Variants in SEMA4D observed in about 807,000 individuals in gnomAD.
SEMA4D encodes the protein semaphorin 4D.
In SEMA4D, 22 loss-of-function variants were observed where a neutral mutation model predicts 74.8. The observed-to-expected ratio is 0.29, with a 90% CI of 0.21 to 0.42. SEMA4D has a LOEUF of 0.42. Ranked by LOEUF, SEMA4D falls within the 10% of genes least tolerant of loss-of-function variation. The pLI is 1.00. For synonymous variants in SEMA4D, 445 were observed against 463.7 expected, an observed-to-expected ratio of 0.96 and a Z score of 0.52; for missense variants, 937 against 1,118.4, an observed-to-expected ratio of 0.84 and a Z score of 2.31.
At chr9:89,442,242 C>T (rs1165050056) in intron 2 of SEMA4D, among the ~76,000 whole-genome samples, 2 of 152,178 alleles carry the variant, frequency 1.3e-5, no homozygotes, top group Non-Finnish European at 1.5e-5. Flanking sequence ...CTCAGTGGGT[C>T]GGCTCTGGGC....
chr9:89,398,828 C>T (rs1023363933), intron 5 of SEMA4D, among the ~76,000 whole-genome samples: 2 of 152,100 alleles, frequency 1.3e-5, no homozygotes, highest in East Asian at 1.9e-4. Flanking sequence ...CACAGCAGGC[C>T]GAATAAATGG....
At chr9:89,362,937 C>G (rs1832934228) in intron 18 of SEMA4D, among the ~76,000 whole-genome samples, 1 of 152,188 alleles carries the variant, frequency 6.6e-6, no homozygotes, top group Admixed American at 6.5e-5. Context: ...GCCTCTGCCC[C>G]ACTGCCTGCA....
At chr9:89,393,791 A>G (rs1840341727) in intron 6 of SEMA4D, 136 bp from the exon 7 acceptor site, 3 of 671,020 alleles carry the variant, frequency 4.5e-6, no homozygotes, top group Non-Finnish European at 7.9e-6. Context: ...GTGTGGAGCT[A>G]CAGGAGTCCC....
chr9:89,397,475 G>T (rs1431925825), intron 5 of SEMA4D, among the ~76,000 whole-genome samples: 1 of 152,172 alleles, frequency 6.6e-6, no homozygotes, highest in Admixed American at 6.5e-5. Context: ...GGAGAGCCTG[G>T]AGCCCGGCTT....
intron 9 of SEMA4D, among the ~76,000 whole-genome samples, chr9:89,389,341 GTCCT>G (rs1191932967): frequency 6.6e-6 from 1 of 152,214 alleles, no homozygotes; most frequent in Non-Finnish European, 1.5e-5. Context: ...CCAGCATTCA[GTCCT>G]GCAACCGCAG....
rs78280708 is a variant in SEMA4D, at chr9:89,405,596, C to G, written c.-140G>C. The G allele has an allele frequency of 0.082, 118,445 of 1,450,496 alleles. 5,054 individuals carry two copies. The highest frequency in any genetic ancestry group is 0.1 in the Middle Eastern group (404 of 4,016). The allele number at this position is 1,450,496 out of a possible 1,614,324, so 89.9% of individuals were successfully genotyped here. A position where few individuals can be genotyped will look rare whatever the true frequency, so the allele number is the denominator to read the frequency against. ...GCCTGGAGCTCGTGAACAGCGCGGT[C>G]CCTGAGAATCCACATTTCCCAGTTC... On this transcript the variant is annotated 5_prime_UTR_variant, in exon 3 of 16. Coordinates refer to ENST00000422704, the MANE Select transcript of SEMA4D (RefSeq NM_001371194.2).
intron 1 of SEMA4D, among the ~76,000 whole-genome samples, chr9:89,468,546 T>C (rs1859336953): frequency 6.6e-6 from 1 of 152,228 alleles, no homozygotes; most frequent in African/African-American, 2.4e-5. Context: ...TACCACTCCT[T>C]TTGGCCTTAT....
At chr9:89,451,266 G>C (rs1409008290) in intron 2 of SEMA4D, among the ~76,000 whole-genome samples, 1 of 152,058 alleles carries the variant, frequency 6.6e-6, no homozygotes. Flanking sequence ...TATTCGGTGT[G>C]GCCGACTCCT....
chr9:89,467,318 T>C (rs1236745877), intron 1 of SEMA4D, among the ~76,000 whole-genome samples: 6 of 152,000 alleles, frequency 3.9e-5, no homozygotes, highest in Admixed American at 1.3e-4. Context: ...CCCTCCGAGG[T>C]CCCTATACCA....
At chr9:89,404,644 G>A (rs1453070615) in intron 3 of SEMA4D, among the ~76,000 whole-genome samples, 3 of 122,736 alleles carry the variant, frequency 2.4e-5, no homozygotes, top group Admixed American at 8.4e-5. Context: ...TCCCCATCCC[G>A]ACCTCAGCCA....
At chr9:89,383,278 C>G (rs1283323581) in intron 13 of SEMA4D, among the ~76,000 whole-genome samples, 1 of 152,112 alleles carries the variant, frequency 6.6e-6, no homozygotes, top group Non-Finnish European at 1.5e-5. Flanking sequence ...TCTCCCCCAC[C>G]CCCAGTGTGG....
At chr9:89,411,513 A>G (rs1844524587) in intron 2 of SEMA4D, among the ~76,000 whole-genome samples, 1 of 152,224 alleles carries the variant, frequency 6.6e-6, no homozygotes, top group Admixed American at 6.5e-5. Context: ...AAATAGTGAA[A>G]ATAGTTGAAA....
Position 89,372,113 on chromosome 9 carries a change from G to GGTGT in SEMA4D, c.1882+4716_1882+4719dup, listed in dbSNP as rs147774978. On this transcript the variant is annotated intron_variant, in intron 16 of 18. Transcript: ENST00000339861. ...TGTGTGTGGGGGGTGTGATGGGTGT[G>GGTGT]GTGTGTGGGGTGTGTGTGTTGGGGG... is the stretch of plus-strand genomic sequence containing the variant. 7.9e-3 allele frequency among the ~76,000 whole-genome samples: 276 copies of GGTGT among 35,094 alleles called. 39 individuals carry two copies. Among genetic ancestry groups the GGTGT allele is most frequent in the South Asian group, 0.019 (13 of 692 alleles). The allele number at this position is 35,094 out of a possible 152,430, so 23.0% of individuals were successfully genotyped here. A position where few individuals can be genotyped will look rare whatever the true frequency, so the allele number is the denominator to read the frequency against.
At chr9:89,490,728 G>A (rs1046874637) in intron 1 of SEMA4D, among the ~76,000 whole-genome samples, 7 of 152,262 alleles carry the variant, frequency 4.6e-5, no homozygotes, top group Admixed American at 4.6e-4. Context: ...CACAGGTCTA[G>A]GAGCAACTGT....
chr9:89,391,245 C>G lies in SEMA4D; in HGVS notation c.774+19G>C, dbSNP rs1435455135. 3 of 1,609,054 alleles carry G rather than the reference C, an allele frequency of 1.9e-6. No homozygotes were observed. The Admixed American group carries it at 5.0e-5, about 27-fold the overall frequency. On this transcript the variant is annotated intron_variant, in intron 9 of 15. Transcript: ENST00000422704. The stretch of plus-strand genomic sequence containing the variant: ...TGCCATGGCAGGGGCCAAGCGAAGC[C>G]AGAGTGCCTGGCACTCACCTTGCAC...
intron 18 of SEMA4D, chr9:89,363,307 C>A: frequency 1.4e-6 from 2 of 1,413,236 alleles, no homozygotes; most frequent in East Asian, 2.4e-5. Flanking sequence ...GAAACTGCTC[C>A]GGGGCTAAGA....
At chr9:89,411,735 C>T (rs1281736705) in intron 2 of SEMA4D, among the ~76,000 whole-genome samples, 1 of 152,242 alleles carries the variant, frequency 6.6e-6, no homozygotes, top group African/African-American at 2.4e-5. Context: ...AGACATGACC[C>T]CCTGAAGGGA....
chr9:89,442,225 G>C (rs1316410056), intron 2 of SEMA4D, among the ~76,000 whole-genome samples: 1 of 149,314 alleles, frequency 6.7e-6, no homozygotes, highest in Non-Finnish European at 1.5e-5. Context: ...CAAAGCACTG[G>C]GAGGGGCTCA....
chr9:89,475,472 G>A (rs1861522466), intron 1 of SEMA4D, among the ~76,000 whole-genome samples: 2 of 152,334 alleles, frequency 1.3e-5, no homozygotes, highest in African/African-American at 2.4e-5. Flanking sequence ...CCAGTGACCT[G>A]AGTCCCTCCT....
Sources: allele counts gnomAD v4.1 joint callset (sites outside exome capture counted in the v4.1 genomes callset), GRCh38; gene constraint gnomAD v4.1.1; transcripts MANE v1.5; gene names NCBI Gene and HGNC (gene_info 2026-07-23, HGNC 2026-07-21).